Variants in ARHGEF4 observed in about 807,000 individuals in gnomAD.
ARHGEF4 encodes the protein Rho guanine nucleotide exchange factor 4.
ARHGEF4 carries 119 observed loss-of-function variants against 162.0 expected under a neutral mutation model. The observed-to-expected ratio is 0.73, with a 90% CI of 0.63 to 0.86. The LOEUF is 0.86. Ranked by LOEUF, ARHGEF4 falls within the 40% of genes least tolerant of loss-of-function variation. The pLI, the probability that ARHGEF4 is intolerant of heterozygous loss-of-function variation, is 0.00. For missense variants in ARHGEF4, 2,488 were observed against 2,456.0 expected, an observed-to-expected ratio of 1.01 and a Z score of -0.28; for synonymous variants, 1,014 against 979.9, an observed-to-expected ratio of 1.03 and a Z score of -0.65.
Position 130,916,288 on chromosome 2 carries a change from T to C in ARHGEF4, c.2342T>C (p.Leu781Pro). 6.5e-7 allele frequency: 1 copy of C among 1,530,558 alleles called. No individual in the cohort carries two copies. The highest frequency in any genetic ancestry group is 8.8e-7 in the Non-Finnish European group (1 of 1,141,000). 94.8% of individuals were successfully genotyped at this position (1,530,558 alleles called of 1,614,324 possible). A position where few individuals can be genotyped will look rare whatever the true frequency, so the allele number is the denominator to read the frequency against. Reference sequence around the variant, plus strand: ...GAGCCGCCCCAGCCGCCACGCGGGCTCCGCAAGGGCGCGCAGGAGCCTGGG... The same window carrying C: ...GAGCCGCCCCAGCCGCCACGCGGGCCCCGCAAGGGCGCGCAGGAGCCTGGG... ...ALEPPQPPRG[L>P]RKGAQEPGKR... Residue 781 changes from leucine (L) to proline (P), a missense_variant, in exon 2 of 14, where the codon CTC becomes CCC. Leu to Pro is a moderately conservative substitution (Grantham distance 98). Around this residue, in one of 6 missense-constraint regions of ARHGEF4, gnomAD observed 1,642 missense variants for 1,481.5 expected, o/e 1.11. Coordinates refer to ENST00000409359, the MANE Select transcript of ARHGEF4 (RefSeq NM_001367493.1).
chr2:130,913,981 C>T lies in ARHGEF4; in HGVS notation c.40-5C>T, dbSNP rs1681347468. 1 of 1,536,086 alleles carries T rather than the reference C, an allele frequency of 6.5e-7. No individual in the cohort carries two copies. The highest frequency in any genetic ancestry group is 8.7e-7 in the Non-Finnish European group (1 of 1,146,900). On this transcript the variant is annotated splice_region_variant and splice_polypyrimidine_tract_variant and intron_variant, in intron 1 of 13. Coordinates refer to ENST00000409359, the MANE Select transcript of ARHGEF4 (RefSeq NM_001367493.1). ...TCTCTGACTCCTCTCTTCTTGCCCT[C>T]CCAGACTCCAGAGCCAGGTGCACAC...
intron 1 of ARHGEF4, among the ~76,000 whole-genome samples, chr2:130,870,079 A>G (rs1458730030): frequency 1.3e-5 from 2 of 152,322 alleles, no homozygotes; most frequent in East Asian, 3.9e-4. Flanking sequence ...TCTCCCTGCC[A>G]CTGAGAACAA....
At chr2:131,039,117 T>A in intron 6 of ARHGEF4, 85 bp downstream of exon 6, 8 of 1,457,982 alleles carry the variant, frequency 5.5e-6, no homozygotes, top group African/African-American at 1.4e-5. Flanking sequence ...CCAAAACAGC[T>A]CTGGCATCCT....
intron 2 of ARHGEF4, among the ~76,000 whole-genome samples, chr2:130,927,240 G>T (rs1303375740): frequency 6.6e-6 from 1 of 152,146 alleles, no homozygotes; most frequent in Non-Finnish European, 1.5e-5. Flanking sequence ...TGGTGAAGGT[G>T]CTGGCTCTCT....
intron 1 of ARHGEF4, among the ~76,000 whole-genome samples, chr2:130,898,397 C>T (rs1402135198): frequency 6.6e-6 from 1 of 152,178 alleles, no homozygotes; most frequent in Non-Finnish European, 1.5e-5. Context: ...GTCAGTGTGC[C>T]CCTATGGAGA....
At chr2:131,001,336 A>T (rs1687755503) in intron 4 of ARHGEF4, among the ~76,000 whole-genome samples, 1 of 149,962 alleles carries the variant, frequency 6.7e-6, no homozygotes, top group Admixed American at 6.7e-5. Context: ...AAACAGAAAG[A>T]GCTGAAGATG....
At chr2:131,043,810 G>C (rs1355833499) in intron 11 of ARHGEF4, 4 of 578,422 alleles carry the variant, frequency 6.9e-6, no homozygotes, top group Non-Finnish European at 1.2e-5. Context: ...TTGAGAGCAT[G>C]ATCTTTCCTG....
chr2:131,020,292 A>G (rs1413448437), intron 4 of ARHGEF4, among the ~76,000 whole-genome samples: 2 of 149,518 alleles, frequency 1.3e-5, no homozygotes, highest in Non-Finnish European at 3.0e-5. Flanking sequence ...GCACCCATTA[A>G]CTCTTCATTT....
chr2:130,892,476 A>T (rs1352011426), intron 1 of ARHGEF4, among the ~76,000 whole-genome samples: 6 of 152,184 alleles, frequency 3.9e-5, no homozygotes, highest in Admixed American at 3.9e-4. Flanking sequence ...ACTGGTTATA[A>T]ATCAGGGTCC....
chr2:130,837,775 G>T, intron 1 of ARHGEF4: 1 of 300,254 alleles, frequency 3.3e-6, no homozygotes, highest in Admixed American at 4.5e-5. Flanking sequence ...GGGAGCAACT[G>T]CATGAAAGGA....
intron 1 of ARHGEF4, among the ~76,000 whole-genome samples, chr2:130,913,266 C>T (rs1382767263): frequency 6.6e-6 from 1 of 152,088 alleles, no homozygotes; most frequent in Non-Finnish European, 1.5e-5. Flanking sequence ...TGGAAACAGT[C>T]TAGATTTTTA....
At chr2:131,016,015 C>T (rs1258296503) in intron 4 of ARHGEF4, among the ~76,000 whole-genome samples, 1 of 152,186 alleles carries the variant, frequency 6.6e-6, no homozygotes, top group Non-Finnish European at 1.5e-5. Flanking sequence ...CAGGGCTCCC[C>T]GGGAGCCTCA....
chr2:130,856,087 A>G (rs1321182321), intron 1 of ARHGEF4, among the ~76,000 whole-genome samples: 5 of 152,238 alleles, frequency 3.3e-5, no homozygotes, highest in Non-Finnish European at 7.3e-5. Context: ...AGCAGCTATT[A>G]TAACTCAGTT....
chr2:130,972,096 C>A (rs990979028), intron 4 of ARHGEF4, among the ~76,000 whole-genome samples: 1 of 152,196 alleles, frequency 6.6e-6, no homozygotes, highest in South Asian at 2.1e-4. Flanking sequence ...ATAAGTCATT[C>A]CAGGCAAGGC....
intron 4 of ARHGEF4, among the ~76,000 whole-genome samples, chr2:131,010,857 A>G (rs1310024388): frequency 6.6e-6 from 1 of 152,250 alleles, no homozygotes; most frequent in African/African-American, 2.4e-5. Context: ...ACAGAGTTCT[A>G]CATCTTAGCG....
chr2:131,032,192 TC>T (rs759672685), intron 5 of ARHGEF4, among the ~76,000 whole-genome samples: 3 of 151,734 alleles, frequency 2.0e-5, no homozygotes, highest in Non-Finnish European at 4.4e-5. Context: ...GGCATCAGGC[TC>T]CTCTGTGGGG....
At chr2:130,838,020 C>G (rs1411529801) in intron 1 of ARHGEF4, among the ~76,000 whole-genome samples, 1 of 152,220 alleles carries the variant, frequency 6.6e-6, no homozygotes, top group Admixed American at 6.5e-5. Context: ...CTCAGCCTAT[C>G]CGCTGGCCTG....
chr2:130,868,473 G>A (rs1410657839), intron 1 of ARHGEF4, among the ~76,000 whole-genome samples: 1 of 151,822 alleles, frequency 6.6e-6, no homozygotes, highest in East Asian at 1.9e-4. Context: ...GGTGGGGCGG[G>A]GCAGGTGTTC....
At chr2:130,941,014 C>A (rs888197346) in intron 3 of ARHGEF4, among the ~76,000 whole-genome samples, 1 of 151,734 alleles carries the variant, frequency 6.6e-6, no homozygotes, top group Admixed American at 6.6e-5. Context: ...CAGGAGGCAG[C>A]CTTTTATGAT....
Sources: allele counts gnomAD v4.1 joint callset (sites outside exome capture counted in the v4.1 genomes callset), GRCh38; gene constraint gnomAD v4.1.1; regional missense constraint gnomAD v4.1.1; transcripts MANE v1.5; gene names NCBI Gene and HGNC (gene_info 2026-07-23, HGNC 2026-07-21).